Variants in PHTF2 observed in about 807,000 individuals in gnomAD.
The protein encoded by PHTF2 is putative homeodomain transcription factor 2, also known as protein PHTF2.
PHTF2 carries 60 observed loss-of-function variants against 101.2 expected under a neutral mutation model. That is an observed-to-expected ratio of 0.59 (90% CI 0.48 to 0.73). PHTF2 has a LOEUF of 0.73. PHTF2 is among the 30% of genes least tolerant of loss of function. The pLI, the probability that PHTF2 is intolerant of heterozygous loss-of-function variation, is 0.00. For synonymous variants in PHTF2, 311 were observed against 307.3 expected (o/e 1.01, Z -0.13); for missense variants, 747 against 908.7 (o/e 0.82, Z 2.29).
chr7:77,864,411 C>T (rs984781236), intron 3 of PHTF2, among the ~76,000 whole-genome samples: 1 of 152,098 alleles, frequency 6.6e-6, no homozygotes, highest in African/African-American at 2.4e-5. Flanking sequence ...TCGTCAAAGC[C>T]TTTCTTTCAT....
chr7:77,900,256 G>C (rs1801268714), intron 5 of PHTF2, among the ~76,000 whole-genome samples: 1 of 152,160 alleles, frequency 6.6e-6, no homozygotes, highest in Admixed American at 6.5e-5. Context: ...CGTCTGCTGA[G>C]AAGTCTGCAT....
intron 3 of PHTF2, among the ~76,000 whole-genome samples, chr7:77,855,566 C>G (rs1008409992): frequency 1.3e-5 from 2 of 152,178 alleles, no homozygotes; most frequent in Non-Finnish European, 2.9e-5. Flanking sequence ...GAATTGCAGT[C>G]CTTGTGGCCT....
At chr7:77,921,650 C>T (rs1006796262) in intron 10 of PHTF2, among the ~76,000 whole-genome samples, 8 of 152,122 alleles carry the variant, frequency 5.3e-5, no homozygotes, top group African/African-American at 9.7e-5. Flanking sequence ...TAATGTGAGC[C>T]TCTCATCACT....
At position 77,875,589 on chromosome 7, in the gene PHTF2, G is replaced by T. The variant is rs530522104; in HGVS notation, c.148-18019G>T. Among the ~76,000 whole-genome samples, 5 of 151,158 alleles carry T rather than the reference G, an allele frequency of 3.3e-5. 1 individual carries two copies. In the South Asian group the frequency reaches 8.4e-4, roughly 25 times the overall value. On this transcript the variant is annotated intron_variant, in intron 3 of 19. Coordinates refer to ENST00000416283, the Ensembl canonical transcript of PHTF2. Reference sequence around the variant, plus strand: ...TATTATTTTTTTGACATGGAGTCTCGCTGTGTTGCCCAGGCTGGAGTGCGG... The same window carrying T: ...TATTATTTTTTTGACATGGAGTCTCTCTGTGTTGCCCAGGCTGGAGTGCGG...
intron 3 of PHTF2, among the ~76,000 whole-genome samples, chr7:77,865,557 T>C (rs1219868105): frequency 6.6e-6 from 1 of 152,184 alleles, no homozygotes; most frequent in Non-Finnish European, 1.5e-5. Flanking sequence ...ATTATTCTAC[T>C]TCTGTATTAC....
chr7:77,955,503 A>G lies in PHTF2; in HGVS notation c.*625A>G, dbSNP rs74995221. On this transcript the variant is annotated 3_prime_UTR_variant, in exon 20 of 20. Coordinates refer to ENST00000416283, the Ensembl canonical transcript of PHTF2. ...TTGTAAATGGTTACCATACTGTAAG[A>G]TATTTTGATAAAAATTAACTAGTAA... The G allele has an allele frequency of 3.3e-5, 5 of 152,710 alleles. No individual in the cohort carries two copies. The East Asian group carries it at 9.6e-4, about 29-fold the overall frequency. 9.5% of individuals were successfully genotyped at this position (152,710 alleles called of 1,614,324 possible).
intron 15 of PHTF2, 142 bp downstream of exon 14, chr7:77,940,801 A>G (rs1805580338): frequency 1.1e-5 from 6 of 549,336 alleles, no homozygotes; most frequent in South Asian, 5.0e-5. Flanking sequence ...TTTTGTTTCT[A>G]CTAGCCTGGT....
At chr7:77,829,251 C>T (rs867969040) in intron 1 of PHTF2, among the ~76,000 whole-genome samples, 3 of 152,114 alleles carry the variant, frequency 2.0e-5, no homozygotes, top group Non-Finnish European at 2.9e-5. Flanking sequence ...TTATTTAGTA[C>T]GGGTATAGAG....
chr7:77,898,049 T>C (rs1254527946), intron 5 of PHTF2, among the ~76,000 whole-genome samples: 2 of 151,848 alleles, frequency 1.3e-5, no homozygotes, highest in Non-Finnish European at 2.9e-5. Flanking sequence ...GAGGGAAAAT[T>C]TTATTGAAAC....
chr7:77,927,177 A>AAAAAAATATATATATATAT (rs1554388762), intron 11 of PHTF2, among the ~76,000 whole-genome samples: 2 of 78,160 alleles, frequency 2.6e-5, no homozygotes, highest in Non-Finnish European at 4.9e-5. Flanking sequence ...AAAAAAAAAA[A>AAAAAAATATATATATATAT]ATATATATAT....
chr7:77,916,535 C>G (rs1429010146), intron 9 of PHTF2, among the ~76,000 whole-genome samples: 1 of 152,090 alleles, frequency 6.6e-6, no homozygotes, highest in Non-Finnish European at 1.5e-5. Flanking sequence ...GCTTGGGAGA[C>G]AGAGTGAGAC....
At chr7:77,866,844 A>G (rs981217316) in intron 3 of PHTF2, among the ~76,000 whole-genome samples, 29 of 152,318 alleles carry the variant, frequency 1.9e-4, no homozygotes, top group African/African-American at 6.3e-4. Flanking sequence ...CTTGATTTAT[A>G]TTTTGTACAC....
chr7:77,845,665 A>G (rs1332531114), intron 2 of PHTF2, among the ~76,000 whole-genome samples: 2 of 152,070 alleles, frequency 1.3e-5, no homozygotes, highest in Non-Finnish European at 2.9e-5. Context: ...GTGTGTGTGT[A>G]TGTGTGTGTA....
At chr7:77,854,765 C>A in exon 3 of PHTF2, 1 of 737,952 alleles carries the variant, frequency 1.4e-6, no homozygotes, top group South Asian at 1.4e-5. Flanking sequence ...CCGCCCCAGG[C>A]CCACAGCAAG....
upstream of PHTF2, chr7:77,798,784 C>G (rs1242100895): frequency 6.6e-6 from 1 of 152,364 alleles, no homozygotes; most frequent in Non-Finnish European, 1.5e-5. Context: ...TCCTCCCTGC[C>G]CGCGCGCAGT....
intron 12 of PHTF2, among the ~76,000 whole-genome samples, chr7:77,934,271 T>C (rs71573366): frequency 6.6e-6 from 1 of 152,246 alleles, no homozygotes; most frequent in Non-Finnish European, 1.5e-5. Flanking sequence ...TATTTCATTG[T>C]TTTATTTTGT....
intron 3 of PHTF2, among the ~76,000 whole-genome samples, chr7:77,866,735 T>C (rs1390026495): frequency 6.6e-6 from 1 of 152,258 alleles, no homozygotes; most frequent in Non-Finnish European, 1.5e-5. Flanking sequence ...AACCAAGTTA[T>C]GTTAATATTT....
rs150302107 is a variant in PHTF2 at position 77,904,543 on chromosome 7, G to T, written c.445+2623G>T. On this transcript the variant is annotated intron_variant, in intron 7 of 19. Coordinates refer to ENST00000416283, the Ensembl canonical transcript of PHTF2. ...TGAGGGGTGGAAGTGCAAGAGTGAGGCAATGTCAGAGTTGGTGTCTGATGA... is the reference window on the plus strand; with the variant it reads ...TGAGGGGTGGAAGTGCAAGAGTGAGTCAATGTCAGAGTTGGTGTCTGATGA... Among the ~76,000 whole-genome samples the T allele has an allele frequency of 2.4e-3, 369 of 152,266 alleles. 4 individuals are homozygous for T. The highest frequency in any genetic ancestry group is 8.3e-3 in the African/African-American group (343 of 41,548).
intron 16 of PHTF2, among the ~76,000 whole-genome samples, chr7:77,947,737 A>C (rs761753904): frequency 1.2e-4 from 18 of 151,834 alleles, no homozygotes; most frequent in Non-Finnish European, 2.1e-4. Context: ...CCTAAAACTC[A>C]TCTGGAAGCA....
Sources: allele counts gnomAD v4.1 joint callset (sites outside exome capture counted in the v4.1 genomes callset), GRCh38; gene constraint gnomAD v4.1.1; transcripts MANE v1.5; gene names NCBI Gene and HGNC (gene_info 2026-07-23, HGNC 2026-07-21).